Variants in ZC3H11A observed in about 807,000 individuals in gnomAD.
The protein encoded by ZC3H11A is zinc finger CCCH-type containing 11A, also known as zinc finger CCCH domain-containing protein 11A.
ZC3H11A carries 22 observed loss-of-function variants against 90.8 expected under a neutral mutation model. The observed-to-expected ratio is 0.24, with a 90% CI of 0.17 to 0.35. The LOEUF is 0.35. ZC3H11A is among the 10% of genes least tolerant of loss of function. The pLI is 1.00. For synonymous variants in ZC3H11A, 294 were observed against 339.8 expected, an observed-to-expected ratio of 0.87 and a Z score of 1.48; for missense variants, 701 against 964.9, an observed-to-expected ratio of 0.73 and a Z score of 3.62.
Position 203,848,399 on chromosome 1 carries a change from G to A in ZC3H11A, c.1615G>A (p.Ala539Thr), listed in dbSNP as rs146745298. 7.7e-5 allele frequency: 123 copies of A among 1,606,326 alleles called. 1 individual carries two copies. The African/African-American group carries it at 1.6e-3, about 20-fold the overall frequency. The part of the protein sequence containing the change: ...VDSQSSIRTE[A>T]KEASGETTGV... Reference sequence around the variant, plus strand: ...TTCTCAGAGCAGTATTAGAACAGAAGCTAAAGAGGTAAATTTAAGATTATT... The same window carrying A: ...TTCTCAGAGCAGTATTAGAACAGAAACTAAAGAGGTAAATTTAAGATTATT... The change falls in exon 14 of 18, where the codon GCT becomes ACT. Residue 539 changes from alanine (A) to threonine (T), a missense_variant. Around this residue, in one of 4 missense-constraint regions of ZC3H11A, gnomAD observed 530 missense variants for 696.2 expected, o/e 0.76. Transcript: ENST00000367210.
rs1385360648 is a variant in ZC3H11A at position 203,829,349 on chromosome 1, C to T, written c.299-102C>T. 7.6e-6 allele frequency: 9 copies of T among 1,176,546 alleles called. No individual in the cohort carries two copies. The South Asian group carries it at 8.2e-5, about 11-fold the overall frequency. The allele number at this position is 1,176,546 out of a possible 1,614,324, so 72.9% of individuals were successfully genotyped here. Reference sequence around the variant, plus strand: ...AATGAGGAAATTTAGTATAAATGCTCATAAGACAAATACACTATAGTTTTC... The same window carrying T: ...AATGAGGAAATTTAGTATAAATGCTTATAAGACAAATACACTATAGTTTTC... On this transcript the variant is annotated intron_variant, in intron 5 of 17. Coordinates refer to ENST00000367210, the MANE Select transcript of ZC3H11A (RefSeq NM_001376342.1).
At chr1:203,806,187 G>C in intron 2 of ZC3H11A, 1 of 467,020 alleles carries the variant, frequency 2.1e-6, no homozygotes, top group Non-Finnish European at 4.2e-6. Context: ...ATTCTGCCCT[G>C]CTGTCCACCA....
chr1:203,798,981 T>G (rs956602827), intron 1 of ZC3H11A: 15 of 1,536,046 alleles, frequency 9.8e-6, no homozygotes, highest in African/African-American at 2.7e-5. Context: ...TGTTGACATA[T>G]GGACCCATGA....
chr1:203,843,862 C>A (rs887850529), intron 12 of ZC3H11A, among the ~76,000 whole-genome samples: 23 of 151,362 alleles, frequency 1.5e-4, no homozygotes, highest in African/African-American at 5.6e-4. Flanking sequence ...CCTGGGATTT[C>A]TTCTTTTTTT....
chr1:203,813,580 T>C (rs1189194130), intron 2 of ZC3H11A, among the ~76,000 whole-genome samples: 1 of 152,210 alleles, frequency 6.6e-6, no homozygotes, highest in African/African-American at 2.4e-5. Context: ...GTTATCTGTA[T>C]TAGTTCCTAG....
chr1:203,829,972 C>G lies in ZC3H11A; in HGVS notation c.619+76C>G, dbSNP rs1681730200. The stretch of plus-strand genomic sequence containing the variant: ...TGAAATTTAGTTCACAATCATTGAC[C>G]TCCCTCTTCTTTTTCCCATGCTACA... On this transcript the variant is annotated intron_variant, in intron 7 of 17. Transcript: ENST00000367210. 2.1e-6 allele frequency: 3 copies of G among 1,420,896 alleles called. No homozygotes were observed. The East Asian group carries it at 6.8e-5, about 32-fold the overall frequency. The allele number at this position is 1,420,896 out of a possible 1,614,324, so 88.0% of individuals were successfully genotyped here.
At chr1:203,821,992 C>T (rs533607450) in intron 4 of ZC3H11A, among the ~76,000 whole-genome samples, 8 of 152,174 alleles carry the variant, frequency 5.3e-5, no homozygotes, top group Admixed American at 2.0e-4. Flanking sequence ...CTGCTGACCT[C>T]GTGATCCGCC....
chr1:203,830,670 G>A (rs552267632), intron 8 of ZC3H11A, among the ~76,000 whole-genome samples: 49 of 152,136 alleles, frequency 3.2e-4, no homozygotes, highest in African/African-American at 1.1e-3. Context: ...TTAGCCAGGC[G>A]GGGTGGCATG....
At position 203,829,775 on chromosome 1, in the gene ZC3H11A, T is replaced by A. The variant is rs141590568; in HGVS notation, c.503-5T>A. The stretch of plus-strand genomic sequence containing the variant: ...TGTGAATTTGCCTTAAATGTTGATA[T>A]ATAGATCAGTTTTCTGAGGAAGGTG... On this transcript the variant is annotated splice_region_variant and splice_polypyrimidine_tract_variant and intron_variant, in intron 6 of 17. Transcript: ENST00000367210. 7 of 1,613,734 alleles carry A rather than the reference T, an allele frequency of 4.3e-6. No individual in the cohort carries two copies. The African/African-American group carries it at 9.3e-5, about 22-fold the overall frequency.
At chr1:203,827,799 T>A (rs144187243) in intron 4 of ZC3H11A, among the ~76,000 whole-genome samples, 2 of 152,276 alleles carry the variant, frequency 1.3e-5, no homozygotes, top group Admixed American at 1.3e-4. Flanking sequence ...ACCCTTGAAC[T>A]CTCAGCTTCA....
intron 2 of ZC3H11A, among the ~76,000 whole-genome samples, chr1:203,815,215 T>C (rs200718060): frequency 6.0e-5 from 4 of 66,900 alleles, no homozygotes; most frequent in African/African-American, 1.8e-4. Context: ...CCTTTTCTTT[T>C]CTTTTTTTTT....
intron 1 of ZC3H11A, chr1:203,796,237 AAATC>A (rs1295095762): frequency 7.6e-6 from 3 of 393,726 alleles, no homozygotes; most frequent in Non-Finnish European, 1.3e-5. Flanking sequence ...CTCACTGCCT[AAATC>A]AATCAGACTG....
At chr1:203,842,736 T>TA (rs1167367518) in intron 12 of ZC3H11A, among the ~76,000 whole-genome samples, 1 of 151,294 alleles carries the variant, frequency 6.6e-6, no homozygotes, top group African/African-American at 2.4e-5. Context: ...CATATACCTT[T>TA]AAAAAAATCT....
At chr1:203,800,210 G>A (rs1351383034) in intron 1 of ZC3H11A, 13 of 1,478,012 alleles carry the variant, frequency 8.8e-6, no homozygotes, top group South Asian at 2.4e-5. Context: ...GCATATGGCC[G>A]GCTTTGACCC....
At chr1:203,805,259 G>A (rs1159576433) in intron 2 of ZC3H11A, among the ~76,000 whole-genome samples, 2 of 150,190 alleles carry the variant, frequency 1.3e-5, no homozygotes, top group African/African-American at 4.9e-5. Flanking sequence ...TCAGTCTCCC[G>A]AGAGTAGGAC....
intron 14 of ZC3H11A, 149 bp from the exon 15 acceptor site, chr1:203,849,562 A>T (rs977585120): frequency 2.6e-6 from 2 of 757,022 alleles, no homozygotes; most frequent in African/African-American, 3.5e-5. Context: ...TTAACAGGGT[A>T]TTGTCTATTT....
In ZC3H11A at chr1:203,831,662, G is replaced by A. The variant is rs1682426195; in HGVS notation, c.702G>A (p.Glu234=). 3 of 1,610,892 alleles carry A rather than the reference G, an allele frequency of 1.9e-6. No individual in the cohort carries two copies. Among genetic ancestry groups the A allele is most frequent in the South Asian group, 2.2e-5 (2 of 90,428 alleles). The change falls in exon 9 of 18, where the codon GAG becomes GAA. Residue 234 remains glutamate (E), a splice_region_variant and synonymous_variant. Coordinates refer to ENST00000367210, the MANE Select transcript of ZC3H11A (RefSeq NM_001376342.1). Reference sequence around the variant, plus strand: ...TGTTCTTTGACTTGCCTTATTCAGAGGGTTCTTCAGGAGTTTCCAGTCTTT... The same window carrying A: ...TGTTCTTTGACTTGCCTTATTCAGAAGGTTCTTCAGGAGTTTCCAGTCTTT... The part of the protein sequence containing the change: ...KMKEKSKKQG[E]GSSGVSSLLL...
chr1:203,843,349 A>G (rs1406273566), intron 12 of ZC3H11A, among the ~76,000 whole-genome samples: 1 of 152,164 alleles, frequency 6.6e-6, no homozygotes, highest in African/African-American at 2.4e-5. Context: ...TCTTTTGAGT[A>G]TGACTGCCCC....
intron 4 of ZC3H11A, among the ~76,000 whole-genome samples, chr1:203,824,308 A>G (rs920441547): frequency 1.1e-4 from 17 of 151,490 alleles, no homozygotes; most frequent in African/African-American, 4.1e-4. Flanking sequence ...AATAATTTAT[A>G]TTTGTTTTTC....
Sources: gnomAD v4.1 joint callset for allele counts (sites outside exome capture counted in the v4.1 genomes callset) on GRCh38, gnomAD v4.1.1 for gene constraint, gnomAD v4.1.1 regional missense constraint, MANE v1.5 for transcripts, NCBI Gene and HGNC (gene_info 2026-07-23, HGNC 2026-07-21) for gene names.